Variants in TCF4 observed in about 807,000 individuals in gnomAD.
TCF4 encodes the protein transcription factor 4.
TCF4 carries 3 observed loss-of-function variants against 82.1 expected under a neutral mutation model. The observed-to-expected ratio is 0.04, with a 90% CI of 0.02 to 0.09. The LOEUF (loss-of-function observed/expected upper bound fraction) is 0.09. Among genes scored for constraint, TCF4 ranks in the 10% least tolerant of loss-of-function variants. The pLI, the probability that TCF4 is intolerant of heterozygous loss-of-function variation, is 1.00. For synonymous variants in TCF4, 276 were observed against 309.6 expected (o/e 0.89, Z 1.14); for missense variants, 518 against 852.7 (o/e 0.61, Z 4.89).
chr18:55,534,795 C>T (rs781741346), intron 3 of TCF4, among the ~76,000 whole-genome samples: 2 of 152,190 alleles, frequency 1.3e-5, no homozygotes, highest in Non-Finnish European at 2.9e-5. Flanking sequence ...TGCCTGTGAA[C>T]ATGTCAACAG....
intron 8 of TCF4, among the ~76,000 whole-genome samples, chr18:55,299,350 T>G (rs1014895696): frequency 1.3e-5 from 2 of 151,758 alleles, no homozygotes; most frequent in African/African-American, 2.4e-5. Flanking sequence ...AGGTGGAGGT[T>G]GCAGTGAGTC....
At chr18:55,576,241 T>A (rs183685136) in intron 3 of TCF4, among the ~76,000 whole-genome samples, 1 of 152,296 alleles carries the variant, frequency 6.6e-6, no homozygotes, top group Admixed American at 6.5e-5. Context: ...ATGAACAATT[T>A]TCTCCAAAGC....
Position 55,228,043 on chromosome 18 carries a change from A to G in TCF4, c.*5-13T>C. ...TGGCAACTTGGACCTGAGAAAGGAA[A>G]AAAGAGAGAAAAAATTCATTAATAT... On this transcript the variant is annotated splice_polypyrimidine_tract_variant and intron_variant, in intron 19 of 19. Coordinates refer to ENST00000354452, the MANE Select transcript of TCF4 (RefSeq NM_001083962.2). The G allele has an allele frequency of 1.3e-6, 1 of 784,902 alleles. No individual in the cohort carries two copies. The highest frequency in any genetic ancestry group is 2.0e-6 in the Non-Finnish European group (1 of 511,912). The allele number at this position is 784,902 out of a possible 1,614,324, so 48.6% of individuals were successfully genotyped here. A position where few individuals can be genotyped will look rare whatever the true frequency, so the allele number is the denominator to read the frequency against.
intron 3 of TCF4, among the ~76,000 whole-genome samples, chr18:55,581,916 G>C (rs1267603980): frequency 6.6e-6 from 1 of 151,970 alleles, no homozygotes; most frequent in Non-Finnish European, 1.5e-5. Context: ...CAGTCACAGG[G>C]GAAAAAGCTC....
chr18:55,323,724 G>C (rs1277414817), intron 8 of TCF4, among the ~76,000 whole-genome samples: 1 of 152,106 alleles, frequency 6.6e-6, no homozygotes, highest in Admixed American at 6.6e-5. Flanking sequence ...ACCTACCAGA[G>C]GACAGTATGT....
At chr18:55,434,259 G>C (rs2095272549) in intron 5 of TCF4, among the ~76,000 whole-genome samples, 1 of 152,054 alleles carries the variant, frequency 6.6e-6, no homozygotes, top group South Asian at 2.1e-4. Flanking sequence ...TTCATCTTGA[G>C]TGACAAGCAA....
chr18:55,480,296 A>AAAAC (rs1568175293), intron 3 of TCF4, among the ~76,000 whole-genome samples: 1 of 63,356 alleles, frequency 1.6e-5, no homozygotes, highest in Non-Finnish European at 3.0e-5. Flanking sequence ...AAAAAAAAAA[A>AAAAC]GCGGGGGGGC....
Position 55,573,342 on chromosome 18 carries a change from A to G in TCF4, c.145+11938T>C, listed in dbSNP as rs139791423. Among the ~76,000 whole-genome samples the G allele has an allele frequency of 4.5e-4, 69 of 151,982 alleles. 1 individual carries two copies. In the East Asian group the frequency reaches 0.011, roughly 25 times the overall value. On this transcript the variant is annotated intron_variant, in intron 3 of 19. Transcript: ENST00000354452. ...AAGTAGCCACTATGAATGCTCCCCA[A>G]TGACCTAAAGGTACAGATTTCAAAT...
rs2144293702 is a variant in TCF4, at chr18:55,225,684, T to C, written c.*2351A>G. The C allele has an allele frequency of 6.6e-6, 1 of 152,660 alleles. No individual in the cohort carries two copies. The highest frequency in any genetic ancestry group is 2.4e-5 in the African/African-American group (1 of 41,584). 9.5% of individuals were successfully genotyped at this position (152,660 alleles called of 1,614,324 possible). A position where few individuals can be genotyped will look rare whatever the true frequency, so the allele number is the denominator to read the frequency against. On this transcript the variant is annotated 3_prime_UTR_variant, in exon 20 of 20. Coordinates refer to ENST00000354452, the MANE Select transcript of TCF4 (RefSeq NM_001083962.2). Reference sequence around the variant, plus strand: ...GAGGAGGAGAGAGTATACATTATTGTCTTCCATGTCCTTCTCTGAGCCTCT... The same window carrying C: ...GAGGAGGAGAGAGTATACATTATTGCCTTCCATGTCCTTCTCTGAGCCTCT...
chr18:55,588,718 A>G (rs578081733), upstream of TCF4: 1 of 1,292,950 alleles, frequency 7.7e-7, no homozygotes, highest in African/African-American at 1.5e-5. Flanking sequence ...TCGTCTATAA[A>G]TCAAGCCACA....
At chr18:55,255,887 A>T (rs1433437070) in intron 14 of TCF4, among the ~76,000 whole-genome samples, 1 of 152,178 alleles carries the variant, frequency 6.6e-6, no homozygotes, top group Non-Finnish European at 1.5e-5. Flanking sequence ...TACCAGCTCT[A>T]TTGCATGAGA....
At chr18:55,591,606 C>G (rs1261260355), upstream of TCF4, among the ~76,000 whole-genome samples, 2 of 152,184 alleles carry the variant, frequency 1.3e-5, no homozygotes, top group African/African-American at 4.8e-5. Flanking sequence ...CAACCTCCAC[C>G]TCCCAGGTTC....
At chr18:55,585,079 T>TA (rs921659205) in intron 3 of TCF4, among the ~76,000 whole-genome samples, 13 of 151,296 alleles carry the variant, frequency 8.6e-5, no homozygotes, top group African/African-American at 2.7e-4. Flanking sequence ...TTCCTTGACT[T>TA]AAAAAAAAAG....
chr18:55,509,913 T>C (rs959961851), intron 3 of TCF4, among the ~76,000 whole-genome samples: 4 of 152,112 alleles, frequency 2.6e-5, no homozygotes, highest in Non-Finnish European at 5.9e-5. Flanking sequence ...CTTTCAAGAG[T>C]TGAAATAATA....
At chr18:55,601,622 G>GA (rs2097697114) in intron 2 of TCF4, among the ~76,000 whole-genome samples, 1 of 151,970 alleles carries the variant, frequency 6.6e-6, no homozygotes, top group African/African-American at 2.4e-5. Flanking sequence ...TGTCTCTACT[G>GA]AAAATACAAA....
chr18:55,289,354 A>G (rs1472959919), intron 8 of TCF4, among the ~76,000 whole-genome samples: 2 of 152,240 alleles, frequency 1.3e-5, no homozygotes, highest in Admixed American at 1.3e-4. Flanking sequence ...CCAAACTTTT[A>G]TTTACCAAAT....
intron 3 of TCF4, among the ~76,000 whole-genome samples, chr18:55,554,546 AT>A (rs2097288128): frequency 6.6e-6 from 1 of 152,150 alleles, no homozygotes; most frequent in South Asian, 2.1e-4. Context: ...ATGACTTCTC[AT>A]GTATAAAACT....
intron 6 of TCF4, among the ~76,000 whole-genome samples, chr18:55,381,910 GTT>G (rs770720823): frequency 0.065 from 9,282 of 143,546 alleles, 538 homozygotes; most frequent in African/African-American, 0.15. Context: ...CTCTAGAAGG[GTT>G]TTTTTTTTTT....
chr18:55,242,694 C>T (rs1291052869), intron 15 of TCF4, among the ~76,000 whole-genome samples: 2 of 151,712 alleles, frequency 1.3e-5, no homozygotes, highest in Non-Finnish European at 2.9e-5. Flanking sequence ...ACTGCAACCT[C>T]CGCCTCCCGG....
Sources: allele counts gnomAD v4.1 joint callset (sites outside exome capture counted in the v4.1 genomes callset), GRCh38; gene constraint gnomAD v4.1.1; transcripts MANE v1.5; gene names NCBI Gene and HGNC (gene_info 2026-07-23, HGNC 2026-07-21).